ROBO2: variants seen among roughly 807,000 people sequenced by gnomAD.
ROBO2 encodes roundabout homolog 2.
Under a neutral mutation model 160.8 loss-of-function variants are expected in ROBO2, and 53 were observed. The observed-to-expected ratio is 0.33, with a 90% CI of 0.26 to 0.41. ROBO2 has a LOEUF of 0.41. Ranked by LOEUF, ROBO2 falls within the 10% of genes least tolerant of loss-of-function variation. The probability of loss-of-function intolerance (pLI) is 1.00; values close to 1 mark genes in which losing one functional copy is unlikely to be tolerated. For missense variants in ROBO2, 1,577 were observed against 1,722.4 expected (o/e 0.92, Z 1.49); for synonymous variants, 664 against 611.7 (o/e 1.09, Z -1.26).
chr3:76,606,484 TA>T (rs1429992989), intron 2 of ROBO2, among the ~76,000 whole-genome samples: 1 of 152,192 alleles, frequency 6.6e-6, no homozygotes, highest in Admixed American at 6.5e-5. Flanking sequence ...AGCCTTTTGA[TA>T]AAAGAAGGGC....
In ROBO2 at chr3:77,352,541, T is replaced by C. The variant is rs190924745; in HGVS notation, c.389-124873T>C. 2.2e-3 allele frequency among the ~76,000 whole-genome samples: 341 copies of C among 151,782 alleles called. 1 individual carries two copies. Among genetic ancestry groups the C allele is most frequent in the African/African-American group, 7.8e-3 (323 of 41,336 alleles). Reference sequence around the variant, plus strand: ...GCAAGGCTACGACATGCTTTTCTTGTTCATTTGGTAAGCCATGAAGAAATT... The same window carrying C: ...GCAAGGCTACGACATGCTTTTCTTGCTCATTTGGTAAGCCATGAAGAAATT... On this transcript the variant is annotated intron_variant, in intron 2 of 25. Coordinates refer to ENST00000461745, the Ensembl canonical transcript of ROBO2.
At chr3:77,225,023 G>A (rs1170510809) in intron 2 of ROBO2, among the ~76,000 whole-genome samples, 2 of 151,402 alleles carry the variant, frequency 1.3e-5, no homozygotes, top group Admixed American at 1.3e-4. Flanking sequence ...TTTAAACATA[G>A]AGTATTAGAA....
Position 77,259,762 on chromosome 3 carries a change from G to C in ROBO2, c.388+161422G>C, listed in dbSNP as rs183949298. Among the ~76,000 whole-genome samples, 366 of 152,278 alleles carry C rather than the reference G, an allele frequency of 2.4e-3. 2 individuals carry two copies. Among genetic ancestry groups the C allele is most frequent in the Non-Finnish European group, 4.2e-3 (283 of 68,026 alleles). On this transcript the variant is annotated intron_variant, in intron 2 of 25. Transcript: ENST00000461745. ...AATCACTTCCGTGCTTTGTCTGTTT[G>C]CTCCATTGTGATGGTTCAGATGGTT...
chr3:76,153,574 T>C (rs2072288536), intron 2 of ROBO2, among the ~76,000 whole-genome samples: 1 of 152,192 alleles, frequency 6.6e-6, no homozygotes, highest in African/African-American at 2.4e-5. Flanking sequence ...ATCACACATA[T>C]TCAAATATCT....
intron 2 of ROBO2, among the ~76,000 whole-genome samples, chr3:77,367,669 G>T (rs1351560524): frequency 6.6e-6 from 1 of 152,146 alleles, no homozygotes; most frequent in Admixed American, 6.6e-5. Flanking sequence ...GGTTCTGTGG[G>T]ACACCTTATG....
intron 2 of ROBO2, among the ~76,000 whole-genome samples, chr3:76,557,366 T>A (rs994495713): frequency 6.6e-6 from 1 of 151,904 alleles, no homozygotes; most frequent in Admixed American, 6.6e-5. Context: ...CTCTAGGGAG[T>A]TATAAGCAAT....
chr3:76,052,221 C>A (rs2107821365), intron 2 of ROBO2, among the ~76,000 whole-genome samples: 1 of 152,156 alleles, frequency 6.6e-6, no homozygotes, highest in East Asian at 1.9e-4. Context: ...CCAGGAAGAG[C>A]TGCCAATTCT....
At chr3:76,408,642 A>T (rs564537543) in intron 2 of ROBO2, among the ~76,000 whole-genome samples, 39 of 152,212 alleles carry the variant, frequency 2.6e-4, no homozygotes, top group African/African-American at 9.4e-4. Context: ...ATTATAGAAG[A>T]TGTAAGTTTA....
chr3:77,076,424 A>C (rs1226761162), intron 1 of ROBO2, among the ~76,000 whole-genome samples: 1 of 152,102 alleles, frequency 6.6e-6, no homozygotes, highest in African/African-American at 2.4e-5. Context: ...ACAACAGTTT[A>C]TGTTTTTTTC....
chr3:76,201,953 C>T (rs1216141031), intron 2 of ROBO2, among the ~76,000 whole-genome samples: 1 of 150,562 alleles, frequency 6.6e-6, no homozygotes, highest in Non-Finnish European at 1.5e-5. Context: ...CAAACCAGCC[C>T]ACCACTTGTC....
intron 2 of ROBO2, among the ~76,000 whole-genome samples, chr3:76,527,670 C>T (rs1181390900): frequency 6.6e-6 from 1 of 151,900 alleles, no homozygotes; most frequent in Non-Finnish European, 1.5e-5. Flanking sequence ...TACCCACTGA[C>T]ATTTATATTC....
At chr3:76,601,687 T>A (rs1304568724) in intron 2 of ROBO2, among the ~76,000 whole-genome samples, 1 of 152,184 alleles carries the variant, frequency 6.6e-6, no homozygotes, top group African/African-American at 2.4e-5. Context: ...CTCCTAGGCC[T>A]CCAGGCCTGT....
intron 2 of ROBO2, among the ~76,000 whole-genome samples, chr3:76,073,260 G>A (rs78586995): frequency 0.02 from 2,413 of 122,138 alleles, 41 homozygotes; most frequent in East Asian, 0.079. Flanking sequence ...TTCTCAGAAT[G>A]AGTATTCTTT....
intron 2 of ROBO2, among the ~76,000 whole-genome samples, chr3:77,433,486 G>GTGTA (rs1553954821): frequency 1.5e-4 from 15 of 99,402 alleles, no homozygotes; most frequent in Admixed American, 3.2e-4. Flanking sequence ...CTGGCAACTT[G>GTGTA]TATATATATA....
At chr3:76,220,265 C>T (rs1472165045) in intron 2 of ROBO2, among the ~76,000 whole-genome samples, 3 of 151,242 alleles carry the variant, frequency 2.0e-5, no homozygotes, top group African/African-American at 7.3e-5. Context: ...CAGCATGGCA[C>T]ATGTATACAT....
At chr3:76,917,303 A>T (rs575883202) in intron 2 of ROBO2, among the ~76,000 whole-genome samples, 2 of 152,340 alleles carry the variant, frequency 1.3e-5, no homozygotes, top group Non-Finnish European at 2.9e-5. Flanking sequence ...TTTTCTGTCT[A>T]GAATTATGCT....
At chr3:76,435,477 T>C (rs185094912) in intron 2 of ROBO2, 2 of 718,964 alleles carry the variant, frequency 2.8e-6, no homozygotes, top group African/African-American at 1.7e-5. Flanking sequence ...GTGGGATAAA[T>C]CTGTATCAAG....
chr3:76,503,830 G>A (rs907756034), intron 2 of ROBO2, among the ~76,000 whole-genome samples: 1 of 152,138 alleles, frequency 6.6e-6, no homozygotes, highest in African/African-American at 2.4e-5. Context: ...GTTAAAGTAC[G>A]CAAAATTTAA....
At chr3:76,255,511 T>C (rs1430993858) in intron 2 of ROBO2, among the ~76,000 whole-genome samples, 7 of 151,982 alleles carry the variant, frequency 4.6e-5, no homozygotes, top group Non-Finnish European at 8.8e-5. Context: ...GTCTCCAAAA[T>C]TGAGGGCTGA....
Sources: gnomAD v4.1 joint callset for allele counts (sites outside exome capture counted in the v4.1 genomes callset) on GRCh38, gnomAD v4.1.1 for gene constraint, MANE v1.5 for transcripts, NCBI Gene and HGNC (gene_info 2026-07-23, HGNC 2026-07-21) for gene names.